The following TTC7B variants were observed in gnomAD, a reference collection of about 807,000 sequenced individuals.
TTC7B encodes the protein tetratricopeptide repeat protein 7B.
A neutral mutation model predicts 106.8 loss-of-function variants in TTC7B; 28 were observed. The ratio of observed to expected loss-of-function variants is 0.26; its 90% CI spans 0.19 to 0.36. The LOEUF (loss-of-function observed/expected upper bound fraction) is 0.36. TTC7B is among the 10% of genes least tolerant of loss of function. The pLI is 1.00. For synonymous variants in TTC7B, 405 were observed against 430.6 expected, an observed-to-expected ratio of 0.94 and a Z score of 0.74; for missense variants, 862 against 1,076.4, an observed-to-expected ratio of 0.80 and a Z score of 2.79.
At position 90,805,112 on chromosome 14, in the gene TTC7B, C is replaced by T. The variant is rs1482815164; in HGVS notation, c.121+11063G>A. ...CGTGGGACCAGGTCTCGGGTGGACG[C>T]CCACAGCCACTCCCAGTCCTGAGCA... On this transcript the variant is annotated intron_variant, in intron 1 of 19. Transcript: ENST00000328459. This position sits in a 1 kb window ranked among gnomAD's most constrained non-coding sequence, Gnocchi z 4.0. Among the ~76,000 whole-genome samples the T allele has an allele frequency of 6.6e-6, 1 of 152,130 alleles. No homozygotes were observed. The highest frequency in any genetic ancestry group is 2.4e-5 in the African/African-American group (1 of 41,432).
At chr14:90,784,988 T>C (rs4904731) in intron 2 of TTC7B, among the ~76,000 whole-genome samples, 41,343 of 152,042 alleles carry the variant, frequency 0.27, 9,278 homozygotes, top group African/African-American at 0.62. Flanking sequence ...AGGCCCTCCA[T>C]TGCAGCAGGG....
At position 90,529,319 on chromosome 14, in the gene TTC7B, G is replaced by A. The variant is rs1165822982; in HGVS notation, c.*12049C>T. The A allele has an allele frequency of 6.6e-6, 1 of 152,440 alleles. No homozygotes were observed. The highest frequency in any genetic ancestry group is 1.5e-5 in the Non-Finnish European group (1 of 68,196). The allele number at this position is 152,440 out of a possible 1,614,324, so 9.4% of individuals were successfully genotyped here. A position where few individuals can be genotyped will look rare whatever the true frequency, so the allele number is the denominator to read the frequency against. On this transcript the variant is annotated 3_prime_UTR_variant, in exon 20 of 20. Transcript: ENST00000328459. ...ACCGCTAATGACTGGCTACCACACA[G>A]AGGTTCCAGGCAGAGTCTAGCTACT...
intron 7 of TTC7B, among the ~76,000 whole-genome samples, chr14:90,685,123 T>C (rs1887204668): frequency 6.6e-6 from 1 of 152,202 alleles, no homozygotes; most frequent in African/African-American, 2.4e-5. Context: ...TTCAGTTATG[T>C]TCCATTACAA....
Position 90,608,518 on chromosome 14 carries a change from G to A in TTC7B, c.1966+2224C>T, listed in dbSNP as rs919146172. 1.3e-4 allele frequency among the ~76,000 whole-genome samples: 20 copies of A among 152,220 alleles called. No homozygotes were observed. The highest frequency in any genetic ancestry group is 1.9e-4 in the Non-Finnish European group (13 of 68,008). On this transcript the variant is annotated intron_variant, in intron 17 of 19. Coordinates refer to ENST00000328459, the MANE Select transcript of TTC7B (RefSeq NM_001010854.2). This position sits in a 1 kb window ranked among gnomAD's most constrained non-coding sequence, Gnocchi z 5.1. The stretch of plus-strand genomic sequence containing the variant: ...GTTGAGGAAGGGCATAGGAGCCCGC[G>A]GTCCTGACTCCAAACACCTAGGCTC...
rs1886041623 is a variant in TTC7B at position 90,658,394 on chromosome 14, G to A, written c.1153-7C>T. 6.2e-7 allele frequency: 1 copy of A among 1,613,778 alleles called. No homozygotes were observed. ...TCATGGCTCTTTCTAGGCACTGGTT[G>A]GGAAAGAAAAACAAATGCAGACATC... is the stretch of plus-strand genomic sequence containing the variant. On this transcript the variant is annotated splice_region_variant and splice_polypyrimidine_tract_variant and intron_variant, in intron 9 of 19. Transcript: ENST00000328459.
chr14:90,625,704 G>T (rs1884409843), intron 15 of TTC7B, among the ~76,000 whole-genome samples: 1 of 152,162 alleles, frequency 6.6e-6, no homozygotes, highest in African/African-American at 2.4e-5. Context: ...GATGGAACAG[G>T]TCATGTGACC....
chr14:90,792,484 G>C (rs188684625), intron 1 of TTC7B, among the ~76,000 whole-genome samples: 1 of 152,156 alleles, frequency 6.6e-6, no homozygotes, highest in Non-Finnish European at 1.5e-5. Flanking sequence ...GGCTGAGGCA[G>C]GAGAATCACT....
chr14:90,797,435 G>C (rs1335604553), intron 1 of TTC7B, among the ~76,000 whole-genome samples: 1 of 150,404 alleles, frequency 6.6e-6, no homozygotes, highest in Non-Finnish European at 1.5e-5. Flanking sequence ...TCCAGCCTGG[G>C]CAACAGAGTG....
At chr14:90,601,161 C>CA (rs1244677993) in intron 17 of TTC7B, among the ~76,000 whole-genome samples, 2 of 151,732 alleles carry the variant, frequency 1.3e-5, no homozygotes, top group Non-Finnish European at 2.9e-5. Flanking sequence ...ATTAAAATAG[C>CA]AAAAAAAGGT....
chr14:90,536,156 G>T lies in TTC7B; in HGVS notation c.*5212C>A, dbSNP rs190736877. On this transcript the variant is annotated 3_prime_UTR_variant, in exon 20 of 20. Transcript: ENST00000328459. ...CAGGCCACCCTGACGGGGTCTCCAG[G>T]CATTGAGAGAGCCCACCCACCTCCT... is the stretch of plus-strand genomic sequence containing the variant. 310 of 154,874 alleles carry T rather than the reference G, an allele frequency of 2.0e-3. 2 individuals carry two copies. Among genetic ancestry groups the T allele is most frequent in the Middle Eastern group, 3.3e-3 (1 of 302 alleles). 9.6% of individuals were successfully genotyped at this position (154,874 alleles called of 1,614,324 possible).
chr14:90,760,992 G>A (rs1890481108), intron 3 of TTC7B, among the ~76,000 whole-genome samples: 1 of 152,116 alleles, frequency 6.6e-6, no homozygotes, highest in African/African-American at 2.4e-5. Context: ...TCCTGAAATC[G>A]CCTTTGCAAA....
Position 90,533,610 on chromosome 14 carries a change from G to A in TTC7B, c.*7758C>T, listed in dbSNP as rs1889338862. Reference sequence around the variant, plus strand: ...GACCATAGAGATGAGGAGACAGAGTGCTTCCCCATCAGAGGTGACACGGCC... The same window carrying A: ...GACCATAGAGATGAGGAGACAGAGTACTTCCCCATCAGAGGTGACACGGCC... On this transcript the variant is annotated 3_prime_UTR_variant, in exon 20 of 20. Coordinates refer to ENST00000328459, the MANE Select transcript of TTC7B (RefSeq NM_001010854.2). 1 of 152,432 alleles carries A rather than the reference G, an allele frequency of 6.6e-6. No individual in the cohort carries two copies. The highest frequency in any genetic ancestry group is 1.5e-5 in the Non-Finnish European group (1 of 68,196). The allele number at this position is 152,432 out of a possible 1,614,324, so 9.4% of individuals were successfully genotyped here.
chr14:90,800,663 T>C (rs889017093), intron 1 of TTC7B, among the ~76,000 whole-genome samples: 1 of 151,922 alleles, frequency 6.6e-6, no homozygotes, highest in Non-Finnish European at 1.5e-5. Flanking sequence ...TACAAAAAAT[T>C]AGCCGGGCAC....
intron 19 of TTC7B, among the ~76,000 whole-genome samples, chr14:90,548,011 C>G (rs1385096071): frequency 6.6e-6 from 1 of 152,150 alleles, no homozygotes; most frequent in Non-Finnish European, 1.5e-5. Flanking sequence ...GTTGGTCTAC[C>G]TGGTTATTGC....
At chr14:90,553,257 C>T (rs1890164878) in intron 19 of TTC7B, among the ~76,000 whole-genome samples, 1 of 152,230 alleles carries the variant, frequency 6.6e-6, no homozygotes, top group South Asian at 2.1e-4. Context: ...GCCCCTTTTC[C>T]AGGTCAGACA....
At chr14:90,669,890 C>T (rs1487030460) in intron 9 of TTC7B, among the ~76,000 whole-genome samples, 3 of 152,170 alleles carry the variant, frequency 2.0e-5, no homozygotes, top group African/African-American at 7.2e-5. Context: ...AAAAGTTAAA[C>T]ATAGAATTAT....
intron 6 of TTC7B, among the ~76,000 whole-genome samples, chr14:90,694,782 TA>T (rs1331834343): frequency 1.0e-4 from 14 of 140,690 alleles, no homozygotes; most frequent in Admixed American, 9.5e-4. Context: ...AAAATATGTA[TA>T]TTTTATATAC....
chr14:90,648,562 G>A (rs1885573765), intron 13 of TTC7B: 1 of 151,956 alleles, frequency 6.6e-6, no homozygotes, highest in South Asian at 2.1e-4. Context: ...ATGCTATCCA[G>A]GCTAGTCTGG....
intron 5 of TTC7B, among the ~76,000 whole-genome samples, 177 bp downstream of exon 5, chr14:90,729,898 G>A (rs75125123): frequency 0.01 from 1,594 of 152,050 alleles, 25 homozygotes; most frequent in African/African-American, 0.037. Context: ...AAGCAAGAGA[G>A]CCAGGTAGAG....
Sources: gnomAD v4.1 joint callset for allele counts (sites outside exome capture counted in the v4.1 genomes callset) on GRCh38, gnomAD v4.1.1 for gene constraint, Gnocchi (gnomAD v3.1) non-coding constraint, MANE v1.5 for transcripts, NCBI Gene and HGNC (gene_info 2026-07-23, HGNC 2026-07-21) for gene names.